The following GDF6 variants were observed in gnomAD, a reference collection of about 807,000 sequenced individuals.
GDF6 encodes the protein growth/differentiation factor 6.
Under a neutral mutation model 32.4 loss-of-function variants are expected in GDF6, and 3 were observed. The observed-to-expected ratio is 0.09, with a 90% CI of 0.04 to 0.24. The LOEUF is 0.24. Among genes scored for constraint, GDF6 ranks in the 10% least tolerant of loss-of-function variants. The pLI, the probability that GDF6 is intolerant of heterozygous loss-of-function variation, is 1.00. For missense variants in GDF6, 589 were observed against 637.9 expected (o/e 0.92, Z 0.83); for synonymous variants, 296 against 295.3 (o/e 1.00, Z -0.03).
At position 96,145,515 on chromosome 8, in the gene GDF6, G is replaced by A. The variant is rs1812463539; in HGVS notation, c.416C>T (p.Ser139Leu). The A allele has an allele frequency of 3.1e-6, 5 of 1,597,804 alleles. No homozygotes were observed. Among genetic ancestry groups the A allele is most frequent in the Non-Finnish European group, 4.2e-6 (5 of 1,179,646 alleles). ...CTTCTGTCTCCGGAGAGGAGTGTGCGAGAGATCGTCTGCGAGATAAAAAAT... is the reference window on the plus strand; with the variant it reads ...CTTCTGTCTCCGGAGAGGAGTGTGCAAGAGATCGTCTGCGAGATAAAAAAT... ...SFVDRGLDDL[S>L]HTPLRRQKYL... Residue 139 changes from serine (S) to leucine (L), a missense_variant, in exon 2 of 2, where the codon TCG (serine) becomes TTG (leucine). By Grantham distance (145) the Ser-to-Leu change is moderately radical. Transcript: ENST00000287020. The surrounding 1 kb of genome is among the most constrained non-coding windows in gnomAD (Gnocchi z 5.6).
chr8:96,154,570 G>A (rs973503526), intron 1 of GDF6, among the ~76,000 whole-genome samples: 2 of 152,128 alleles, frequency 1.3e-5, no homozygotes, highest in African/African-American at 2.4e-5. Flanking sequence ...TCCACATTCC[G>A]GCATTCCACA....
chr8:96,157,536 C>G (rs555993105), intron 1 of GDF6, among the ~76,000 whole-genome samples: 1 of 152,134 alleles, frequency 6.6e-6, no homozygotes, highest in Non-Finnish European at 1.5e-5. Flanking sequence ...CCCCACTCGA[C>G]GGCGATTTAA....
At chr8:96,147,568 T>G (rs964912088) in intron 1 of GDF6, among the ~76,000 whole-genome samples, 2 of 152,224 alleles carry the variant, frequency 1.3e-5, no homozygotes, top group African/African-American at 4.8e-5. Context: ...AGAACAGTTC[T>G]GAAAGGTAAT....
At chr8:96,149,320 C>A (rs1359755449) in intron 1 of GDF6, among the ~76,000 whole-genome samples, 1 of 152,186 alleles carries the variant, frequency 6.6e-6, no homozygotes, top group East Asian at 1.9e-4. Flanking sequence ...TTTGCATCAA[C>A]CTGGTTTGTT....
Position 96,145,657 on chromosome 8 carries a change from G to A in GDF6, c.407-133C>T. 1 of 1,044,164 alleles carries A rather than the reference G, an allele frequency of 9.6e-7. No homozygotes were observed. The highest frequency in any genetic ancestry group is 1.4e-6 in the Non-Finnish European group (1 of 707,364). 64.7% of individuals were successfully genotyped at this position (1,044,164 alleles called of 1,614,324 possible). ...CGGGCAGTCCAGCTTGCCCGGCCCA[G>A]GGCCTGACCACCCCGGCTCCCCATC... On this transcript the variant is annotated intron_variant, in intron 1 of 1. Coordinates refer to ENST00000287020, the MANE Select transcript of GDF6 (RefSeq NM_001001557.4). The surrounding 1 kb of genome is among the most constrained non-coding windows in gnomAD (Gnocchi z 5.6).
intron 1 of GDF6, among the ~76,000 whole-genome samples, chr8:96,153,271 T>C (rs1282656100): frequency 2.0e-5 from 3 of 152,274 alleles, no homozygotes; most frequent in Non-Finnish European, 4.4e-5. Context: ...GATGGCTGCG[T>C]GCTCTCTTGA....
rs560729428 is a variant in GDF6, at chr8:96,158,002, G to T, written c.406+2285C>A. On this transcript the variant is annotated intron_variant, in intron 1 of 1. Transcript: ENST00000287020. Reference sequence around the variant, plus strand: ...CGTGGCTCCGCACTCCTTCACCCCCGCGCGGCGTGCGACAAGCCGCACCGC... The same window carrying T: ...CGTGGCTCCGCACTCCTTCACCCCCTCGCGGCGTGCGACAAGCCGCACCGC... Among the ~76,000 whole-genome samples, 1,240 of 152,190 alleles carry T rather than the reference G, an allele frequency of 8.1e-3. 16 individuals carry two copies. The highest frequency in any genetic ancestry group is 0.028 in the African/African-American group (1,152 of 41,540).
intron 1 of GDF6, among the ~76,000 whole-genome samples, chr8:96,151,442 T>C (rs1812567471): frequency 6.6e-6 from 1 of 152,196 alleles, no homozygotes; most frequent in African/African-American, 2.4e-5. Context: ...TACTAAGTAG[T>C]AGAGTGGGCA....
At chr8:96,150,991 G>T (rs1363386234) in intron 1 of GDF6, among the ~76,000 whole-genome samples, 1 of 152,210 alleles carries the variant, frequency 6.6e-6, no homozygotes, top group Non-Finnish European at 1.5e-5. Flanking sequence ...AGGTGTACTG[G>T]GTGATTAAAA....
chr8:96,160,230 C>A, intron 1 of GDF6, 57 bp downstream of exon 1: 2 of 1,570,848 alleles, frequency 1.3e-6, no homozygotes, highest in South Asian at 2.2e-5. Context: ...GCGGGAACAG[C>A]TCCCTGGCTG....
rs1474593878 is a variant in GDF6 at position 96,160,766 on chromosome 8, A to G, written c.-74T>C. 4 of 1,503,340 alleles carry G rather than the reference A, an allele frequency of 2.7e-6. No individual in the cohort carries two copies. Among genetic ancestry groups the G allele is most frequent in the Middle Eastern group, 2.3e-4 (1 of 4,386 alleles). The allele number at this position is 1,503,340 out of a possible 1,614,324, so 93.1% of individuals were successfully genotyped here. A position where few individuals can be genotyped will look rare whatever the true frequency, so the allele number is the denominator to read the frequency against. On this transcript the variant is annotated 5_prime_UTR_variant, in exon 1 of 2. Transcript: ENST00000287020. ...GACGCGCGGGGCACGGAGCGGCTGG[A>G]CAGCGGCCGGGGCCCGGCTCCTCGG...
intron 1 of GDF6, among the ~76,000 whole-genome samples, chr8:96,156,026 T>C (rs1352926175): frequency 6.6e-6 from 1 of 152,182 alleles, no homozygotes; most frequent in Non-Finnish European, 1.5e-5. Context: ...CTCTGCCCTT[T>C]GGTAATCACG....
intron 1 of GDF6, among the ~76,000 whole-genome samples, chr8:96,146,695 C>CAA (rs1812489873): frequency 7.9e-6 from 1 of 127,198 alleles, no homozygotes; most frequent in East Asian, 2.0e-4. Context: ...CACACACACA[C>CAA]ACACACACAC....
chr8:96,150,609 C>G (rs1316155867), intron 1 of GDF6, among the ~76,000 whole-genome samples: 5 of 152,248 alleles, frequency 3.3e-5, no homozygotes, highest in African/African-American at 1.2e-4. Context: ...TAAGAGGTAT[C>G]TTGCCCATTG....
chr8:96,155,478 C>T (rs928752661), intron 1 of GDF6, among the ~76,000 whole-genome samples: 2 of 152,220 alleles, frequency 1.3e-5, no homozygotes, highest in African/African-American at 4.8e-5. Flanking sequence ...CAATTTAAGG[C>T]TTCTTTCCCT....
intron 1 of GDF6, among the ~76,000 whole-genome samples, chr8:96,151,378 T>G (rs1466764669): frequency 6.6e-6 from 1 of 152,216 alleles, no homozygotes; most frequent in Non-Finnish European, 1.5e-5. Context: ...AAACCACTTC[T>G]GAGACAGCCA....
intron 1 of GDF6, among the ~76,000 whole-genome samples, chr8:96,157,144 G>T (rs912724965): frequency 6.6e-6 from 1 of 152,176 alleles, no homozygotes; most frequent in Admixed American, 6.5e-5. Context: ...TCAATAAATC[G>T]TGGTTACTAT....
At chr8:96,153,705 G>A (rs1397922782) in intron 1 of GDF6, among the ~76,000 whole-genome samples, 1 of 152,210 alleles carries the variant, frequency 6.6e-6, no homozygotes, top group Non-Finnish European at 1.5e-5. Flanking sequence ...CATTTTATGT[G>A]ACTTCCGCTC....
Position 96,145,638 on chromosome 8 carries a change from G to T in GDF6, c.407-114C>A. 1 of 1,314,760 alleles carries T rather than the reference G, an allele frequency of 7.6e-7. No homozygotes were observed. Among genetic ancestry groups the T allele is most frequent in the Non-Finnish European group, 1.1e-6 (1 of 939,802 alleles). The allele number at this position is 1,314,760 out of a possible 1,614,324, so 81.4% of individuals were successfully genotyped here. A position where few individuals can be genotyped will look rare whatever the true frequency, so the allele number is the denominator to read the frequency against. On this transcript the variant is annotated intron_variant, in intron 1 of 1. Transcript: ENST00000287020. The surrounding 1 kb of genome is among the most constrained non-coding windows in gnomAD (Gnocchi z 5.6). Reference sequence around the variant, plus strand: ...GGAGTGGGGGCAGGTCGGCCGGGCAGTCCAGCTTGCCCGGCCCAGGGCCTG... The same window carrying T: ...GGAGTGGGGGCAGGTCGGCCGGGCATTCCAGCTTGCCCGGCCCAGGGCCTG...
Sources: allele counts gnomAD v4.1 joint callset (sites outside exome capture counted in the v4.1 genomes callset), GRCh38; gene constraint gnomAD v4.1.1; non-coding constraint Gnocchi (gnomAD v3.1); transcripts MANE v1.5; gene names NCBI Gene and HGNC (gene_info 2026-07-23, HGNC 2026-07-21).